The following RAD52 variants were observed in gnomAD, a reference collection of about 807,000 sequenced individuals.
The protein encoded by RAD52 is RAD52 DNA repair protein.
A neutral mutation model predicts 55.5 loss-of-function variants in RAD52; 47 were observed. The ratio of observed to expected loss-of-function variants is 0.85; its 90% confidence interval spans 0.67 to 1.08. The LOEUF (loss-of-function observed/expected upper bound fraction) is 1.08, where lower values mean the gene tolerates loss of function less well. RAD52 is among the 50% of genes least tolerant of loss of function. The pLI is 0.00. For missense variants in RAD52, 468 were observed against 522.8 expected, an observed-to-expected ratio of 0.90 and a Z score of 1.02; for synonymous variants, 184 against 198.9, an observed-to-expected ratio of 0.92 and a Z score of 0.63.
intron 1 of RAD52, among the ~76,000 whole-genome samples, chr12:969,438 ATTTT>A (rs963749244): frequency 2.2e-4 from 33 of 152,012 alleles, no homozygotes; most frequent in Non-Finnish European, 5.9e-5. Context: ...CATTTTACTT[ATTTT>A]ATTATATATA....
intron 1 of RAD52, among the ~76,000 whole-genome samples, chr12:982,653 A>G (rs572870561): frequency 1.4e-4 from 16 of 117,134 alleles, no homozygotes; most frequent in Non-Finnish European, 1.5e-4. Context: ...AAGACAATCT[A>G]GACTTTTTTT....
At chr12:984,766 G>A (rs1959064422) in intron 1 of RAD52, among the ~76,000 whole-genome samples, 3 of 151,708 alleles carry the variant, frequency 2.0e-5, no homozygotes, top group African/African-American at 2.4e-5. Context: ...CCGGCTTCAC[G>A]CCATTCTCCT....
intron 1 of RAD52, among the ~76,000 whole-genome samples, chr12:965,968 A>G (rs4409903): frequency 0.51 from 76,915 of 151,448 alleles, 19,930 homozygotes; most frequent in Admixed American, 0.62. Context: ...ACAGGCATGA[A>G]CCACTGTGCC....
intron 9 of RAD52, among the ~76,000 whole-genome samples, chr12:914,965 C>T (rs923305832): frequency 5.9e-5 from 9 of 152,040 alleles, no homozygotes; most frequent in Non-Finnish European, 1.0e-4. Context: ...CGAGACGCCA[C>T]CTCTACAAAA....
chr12:961,309 CAAAAAAAAAA>C (rs60547688), intron 1 of RAD52, among the ~76,000 whole-genome samples: 19 of 33,810 alleles, frequency 5.6e-4, no homozygotes, highest in Admixed American at 1.9e-3. Context: ...GACTCCATCT[CAAAAAAAAAA>C]AAAAAAAAAA....
At chr12:965,223 C>G (rs77782880) in intron 1 of RAD52, among the ~76,000 whole-genome samples, 3 of 151,870 alleles carry the variant, frequency 2.0e-5, no homozygotes, top group African/African-American at 4.8e-5. Context: ...GGTGATCCGC[C>G]CACCTCGACT....
At chr12:946,592 T>C (rs1958241906) in intron 1 of RAD52, among the ~76,000 whole-genome samples, 1 of 152,232 alleles carries the variant, frequency 6.6e-6, no homozygotes. Context: ...ATAAGATATA[T>C]CACAGCCTTC....
At position 920,328 on chromosome 12, in the gene RAD52, G is replaced by A. The variant is rs1956650205; in HGVS notation, c.544-3508C>T. On this transcript the variant is annotated intron_variant, in intron 7 of 11. Coordinates refer to ENST00000358495, the MANE Select transcript of RAD52 (RefSeq NM_134424.4). ...TCCCAGCATTTTGGGAGGCCGAGGT[G>A]GGCAGATCACGAGGTCAGGATATCG... Among the ~76,000 whole-genome samples the A allele has an allele frequency of 1.7e-5, 2 of 117,958 alleles. 1 individual carries two copies. The highest frequency in any genetic ancestry group is 3.6e-5 in the Non-Finnish European group (2 of 55,504). 77.4% of individuals were successfully genotyped at this position (117,958 alleles called of 152,430 possible).
intron 9 of RAD52, among the ~76,000 whole-genome samples, chr12:914,843 C>G (rs555036877): frequency 1.3e-5 from 2 of 152,276 alleles, no homozygotes; most frequent in South Asian, 4.1e-4. Context: ...ACAGCCATAA[C>G]CCTTGCTCAA....
At chr12:978,441 G>C (rs558239589) in intron 1 of RAD52, among the ~76,000 whole-genome samples, 18 of 152,200 alleles carry the variant, frequency 1.2e-4, no homozygotes, top group African/African-American at 4.3e-4. Context: ...TTTTCAGTGT[G>C]GCTATAGTGT....
At chr12:969,513 A>C (rs922737102) in intron 1 of RAD52, among the ~76,000 whole-genome samples, 2 of 152,082 alleles carry the variant, frequency 1.3e-5, no homozygotes, top group African/African-American at 4.8e-5. Flanking sequence ...TAAGCTGGGC[A>C]TGGTGGCTCA....
chr12:985,938 CTT>C (rs1425026731), intron 1 of RAD52, among the ~76,000 whole-genome samples: 10 of 138,184 alleles, frequency 7.2e-5, no homozygotes, highest in Admixed American at 7.5e-5. Flanking sequence ...CGCACCTGGC[CTT>C]TTTTTTTTTT....
At chr12:935,242 G>A (rs1957551095) in intron 1 of RAD52, among the ~76,000 whole-genome samples, 1 of 152,088 alleles carries the variant, frequency 6.6e-6, no homozygotes, top group African/African-American at 2.4e-5. Context: ...CTTTCCAGGA[G>A]CTAACAAGAT....
intron 5 of RAD52, among the ~76,000 whole-genome samples, chr12:927,860 C>T (rs1212843997): frequency 1.3e-5 from 2 of 150,890 alleles, no homozygotes; most frequent in African/African-American, 2.4e-5. Context: ...AGTGAGACTA[C>T]GTCTTGGAAA....
chr12:983,393 GTTGT>G (rs1458772669), intron 1 of RAD52, among the ~76,000 whole-genome samples: 1 of 148,198 alleles, frequency 6.7e-6, no homozygotes, highest in Non-Finnish European at 1.5e-5. Flanking sequence ...GTGTCAGCAG[GTTGT>G]TTTTTCCTGA....
At chr12:961,746 C>T (rs551052890) in intron 1 of RAD52, among the ~76,000 whole-genome samples, 2 of 152,082 alleles carry the variant, frequency 1.3e-5, no homozygotes, top group African/African-American at 4.8e-5. Context: ...ACCTGTAATC[C>T]CAGCTACTCG....
At chr12:949,735 C>T (rs1318893738), upstream of RAD52, 1 of 111,430 alleles carries the variant, frequency 9.0e-6, no homozygotes, top group Non-Finnish European at 1.8e-5. Flanking sequence ...AGGTCCGAAC[C>T]CACGCCCAGC....
chr12:929,763 C>T (rs1957228993), intron 5 of RAD52, 56 bp downstream of exon 5: 2 of 1,535,672 alleles, frequency 1.3e-6, no homozygotes, highest in Non-Finnish European at 9.0e-7. Flanking sequence ...TACCTGCTCA[C>T]CTTCTCCTAC....
intron 1 of RAD52, among the ~76,000 whole-genome samples, chr12:941,201 G>A (rs1320515174): frequency 6.6e-6 from 1 of 152,158 alleles, no homozygotes; most frequent in Non-Finnish European, 1.5e-5. Context: ...TACATACAGA[G>A]TAATGAATGA....
Sources: allele counts gnomAD v4.1 joint callset (sites outside exome capture counted in the v4.1 genomes callset), GRCh38; gene constraint gnomAD v4.1.1; transcripts MANE v1.5; gene names NCBI Gene and HGNC (gene_info 2026-07-23, HGNC 2026-07-21).